The following NRXN1 variants were observed in gnomAD, a reference collection of about 807,000 sequenced individuals.
NRXN1 encodes the protein neurexin 1.
A neutral mutation model predicts 150.9 loss-of-function variants in NRXN1; 39 were observed. The observed-to-expected ratio is 0.26, with a 90% CI of 0.20 to 0.34. NRXN1 has a LOEUF of 0.34. Ranked by LOEUF, NRXN1 falls within the 10% of genes least tolerant of loss-of-function variation. NRXN1 has a pLI of 1.00. For synonymous variants in NRXN1, 924 were observed against 757.0 expected (o/e 1.22, Z -3.62); for missense variants, 1,815 against 1,949.9 (o/e 0.93, Z 1.30).
chr2:50,185,336 C>A (rs1412849606), intron 18 of NRXN1, among the ~76,000 whole-genome samples: 1 of 152,012 alleles, frequency 6.6e-6, no homozygotes, highest in Non-Finnish European at 1.5e-5. Context: ...GGAGTTAAAT[C>A]TCCTGGGTTC....
Position 50,162,498 on chromosome 2 carries a change from T to G in NRXN1, c.3547-71004A>C, listed in dbSNP as rs116290188. On this transcript the variant is annotated intron_variant, in intron 18 of 22. Transcript: ENST00000401669. ...TCTTAAAAAGAAATAGAAAAGAAAA[T>G]CAATAGCAACAGTGCACTATGAAAT... 3.1e-3 allele frequency among the ~76,000 whole-genome samples: 472 copies of G among 151,946 alleles called. 3 individuals carry two copies. Among genetic ancestry groups the G allele is most frequent in the Non-Finnish European group, 5.7e-3 (386 of 67,932 alleles).
chr2:50,865,616 A>G (rs539178384), intron 5 of NRXN1, among the ~76,000 whole-genome samples: 6 of 85,476 alleles, frequency 7.0e-5, no homozygotes, highest in Admixed American at 6.3e-4. Context: ...GTGTGTGTGT[A>G]GTAGCACCTG....
intron 5 of NRXN1, among the ~76,000 whole-genome samples, chr2:50,796,100 C>A (rs1252723591): frequency 2.0e-5 from 3 of 152,036 alleles, no homozygotes; most frequent in African/African-American, 7.2e-5. Flanking sequence ...AATGGGGGAA[C>A]TTTATGGAAG....
chr2:50,919,050 G>C (rs1461899292), intron 5 of NRXN1: 1 of 151,804 alleles, frequency 6.6e-6, no homozygotes, highest in African/African-American at 2.4e-5. Context: ...TGACTCTAAA[G>C]TTTGAAACAG....
chr2:50,361,585 G>C (rs1310197967), intron 17 of NRXN1, among the ~76,000 whole-genome samples: 1 of 152,098 alleles, frequency 6.6e-6, no homozygotes, highest in Admixed American at 6.6e-5. Flanking sequence ...TCCTTGAAGA[G>C]ACCAATAACA....
intron 17 of NRXN1, among the ~76,000 whole-genome samples, chr2:50,358,908 C>T (rs897232142): frequency 6.6e-6 from 1 of 152,228 alleles, no homozygotes; most frequent in Admixed American, 6.5e-5. Flanking sequence ...CTTTACTGTT[C>T]CACAGCCTCC....
At chr2:50,677,221 A>G (rs1366653512) in intron 5 of NRXN1, among the ~76,000 whole-genome samples, 1 of 150,092 alleles carries the variant, frequency 6.7e-6, no homozygotes, top group Non-Finnish European at 1.5e-5. Flanking sequence ...GGACATTCCC[A>G]AAGTGTTTTT....
In NRXN1 at chr2:50,506,460, A is replaced by G. The variant is rs182609775; in HGVS notation, c.2497+35T>C. On this transcript the variant is annotated intron_variant, in intron 13 of 22. Transcript: ENST00000401669. ...GCAAGAAATGAGAGTCAAAAGCGTTAGCATAGGAAAAGACAATGGGACAGA... is the reference window on the plus strand; with the variant it reads ...GCAAGAAATGAGAGTCAAAAGCGTTGGCATAGGAAAAGACAATGGGACAGA... The G allele has an allele frequency of 7.7e-4, 1,213 of 1,585,270 alleles. 2 individuals carry two copies. The highest frequency in any genetic ancestry group is 3.2e-3 in the Middle Eastern group (19 of 5,912).
intron 17 of NRXN1, among the ~76,000 whole-genome samples, chr2:50,335,125 T>C (rs2077096227): frequency 6.6e-6 from 1 of 152,160 alleles, no homozygotes; most frequent in Admixed American, 6.5e-5. Flanking sequence ...AAGAACCTCT[T>C]TAGAAAGAGG....
chr2:51,026,591 G>A, intron 2 of NRXN1: 1 of 667,620 alleles, frequency 1.5e-6, no homozygotes, highest in South Asian at 1.8e-5. Context: ...GTCATTAGCC[G>A]AATATCCTTA....
intron 1 of NRXN1, among the ~76,000 whole-genome samples, chr2:51,030,704 A>G (rs989776237): frequency 2.0e-5 from 3 of 152,026 alleles, no homozygotes; most frequent in East Asian, 3.9e-4. Flanking sequence ...CCTATATCAA[A>G]CCCGAGGAAA....
At chr2:51,003,110 T>C (rs1038583573) in intron 2 of NRXN1, among the ~76,000 whole-genome samples, 9 of 151,958 alleles carry the variant, frequency 5.9e-5, no homozygotes, top group East Asian at 3.9e-4. Flanking sequence ...CCTAAAATTC[T>C]ACTCATTTGA....
chr2:50,735,411 A>G (rs1036442222), intron 5 of NRXN1, among the ~76,000 whole-genome samples: 1 of 152,168 alleles, frequency 6.6e-6, no homozygotes, highest in African/African-American at 2.4e-5. Flanking sequence ...AAATAAGAAC[A>G]ATGAGATGGA....
intron 5 of NRXN1, among the ~76,000 whole-genome samples, chr2:50,773,212 T>A (rs190618140): frequency 6.6e-6 from 1 of 152,228 alleles, no homozygotes; most frequent in Admixed American, 6.5e-5. Context: ...CAATCCACAC[T>A]CCTGCTCTGT....
intron 5 of NRXN1, among the ~76,000 whole-genome samples, chr2:50,672,777 T>A (rs1013844553): frequency 6.6e-6 from 1 of 152,068 alleles, no homozygotes; most frequent in Non-Finnish European, 1.5e-5. Context: ...TTATTAAATA[T>A]ATTTTAAATG....
At chr2:50,763,115 T>C (rs1006336388) in intron 5 of NRXN1, among the ~76,000 whole-genome samples, 6 of 151,988 alleles carry the variant, frequency 3.9e-5, no homozygotes, top group African/African-American at 1.4e-4. Context: ...ACATTAATGA[T>C]ACCACAGTCC....
At chr2:50,212,157 T>C (rs1222325174) in intron 18 of NRXN1, among the ~76,000 whole-genome samples, 3 of 151,782 alleles carry the variant, frequency 2.0e-5, no homozygotes, top group Non-Finnish European at 4.4e-5. Context: ...AAATTTATAA[T>C]TGAAAAACAA....
chr2:50,719,065 T>C (rs1409731463), intron 5 of NRXN1, among the ~76,000 whole-genome samples: 1 of 151,296 alleles, frequency 6.6e-6, no homozygotes, highest in African/African-American at 2.4e-5. Flanking sequence ...ACTTCCACCA[T>C]TGTGAATGCA....
At chr2:50,922,752 G>A (rs1314213386) in intron 3 of NRXN1, 65 bp from the exon 4 acceptor site, 17 of 1,519,564 alleles carry the variant, frequency 1.1e-5, no homozygotes, top group Middle Eastern at 1.7e-4. Context: ...GGGTTGTCAC[G>A]GTGACAAAAA....
Sources: gnomAD v4.1 joint callset for allele counts (sites outside exome capture counted in the v4.1 genomes callset) on GRCh38, gnomAD v4.1.1 for gene constraint, MANE v1.5 for transcripts, NCBI Gene and HGNC (gene_info 2026-07-23, HGNC 2026-07-21) for gene names.